The following SORCS3 variants were observed in gnomAD, a reference collection of about 807,000 sequenced individuals.
The protein encoded by SORCS3 is VPS10 domain-containing receptor SorCS3.
A neutral mutation model predicts 146.3 loss-of-function variants in SORCS3; 57 were observed. That is an observed-to-expected ratio of 0.39 (90% CI 0.31 to 0.49). The LOEUF is 0.49. SORCS3 is among the 20% of genes least tolerant of loss of function. The pLI is 0.92. For missense variants in SORCS3, 1,341 were observed against 1,575.5 expected (o/e 0.85, Z 2.52); for synonymous variants, 653 against 618.5 (o/e 1.06, Z -0.83).
intron 1 of SORCS3, among the ~76,000 whole-genome samples, chr10:104,839,860 G>C (rs1458236671): frequency 6.6e-6 from 1 of 152,206 alleles, no homozygotes; most frequent in African/African-American, 2.4e-5. Context: ...GCTGGGCTAA[G>C]ATGGACATCT....
chr10:104,762,655 C>A (rs1450072118), intron 1 of SORCS3, among the ~76,000 whole-genome samples: 1 of 152,096 alleles, frequency 6.6e-6, no homozygotes, highest in Non-Finnish European at 1.5e-5. Flanking sequence ...GGGGCAGTTT[C>A]CCCCATGCTA....
chr10:105,217,567 A>G (rs931503710), intron 19 of SORCS3, among the ~76,000 whole-genome samples: 1 of 152,224 alleles, frequency 6.6e-6, no homozygotes, highest in South Asian at 2.1e-4. Context: ...TTAAAGAAAC[A>G]TGTTTAGATA....
At chr10:105,009,535 A>C (rs1230302952) in intron 4 of SORCS3, among the ~76,000 whole-genome samples, 9 of 102,608 alleles carry the variant, frequency 8.8e-5, no homozygotes, top group African/African-American at 3.2e-4. Flanking sequence ...AACAAAAAAA[A>C]AAAAAAAAAA....
At chr10:104,994,566 A>C (rs772435293) in intron 4 of SORCS3, among the ~76,000 whole-genome samples, 1 of 152,212 alleles carries the variant, frequency 6.6e-6, no homozygotes, top group African/African-American at 2.4e-5. Flanking sequence ...CGTCACCTTC[A>C]AAAGTTTCCT....
rs564199624 is a variant in SORCS3, at chr10:104,722,786, C to G, written c.627+80832C>G. 1.4e-4 allele frequency among the ~76,000 whole-genome samples: 22 copies of G among 152,316 alleles called. No individual in the cohort carries two copies. The East Asian group carries it at 4.2e-3, about 29-fold the overall frequency. Reference sequence around the variant, plus strand: ...TGCATAGAGGTGTTTATAGTATTCTCTGATGGTAGTTTGTATTTCTGTGGG... The same window carrying G: ...TGCATAGAGGTGTTTATAGTATTCTGTGATGGTAGTTTGTATTTCTGTGGG... On this transcript the variant is annotated intron_variant, in intron 1 of 26. Coordinates refer to ENST00000369701, the MANE Select transcript of SORCS3 (RefSeq NM_014978.3).
At chr10:105,097,598 C>G (rs1476896600) in intron 6 of SORCS3, among the ~76,000 whole-genome samples, 2 of 152,174 alleles carry the variant, frequency 1.3e-5, no homozygotes, top group Non-Finnish European at 2.9e-5. Context: ...TCCTGTGATC[C>G]CTCATCTGGT....
intron 14 of SORCS3, among the ~76,000 whole-genome samples, chr10:105,183,568 TTC>T (rs1314413949): frequency 6.6e-6 from 1 of 152,204 alleles, no homozygotes; most frequent in Non-Finnish European, 1.5e-5. Flanking sequence ...TGTTTTTCAA[TTC>T]TCTGTTGTTT....
chr10:104,938,433 A>G (rs1256991074), intron 3 of SORCS3, among the ~76,000 whole-genome samples: 1 of 152,152 alleles, frequency 6.6e-6, no homozygotes, highest in Non-Finnish European at 1.5e-5. Context: ...TGTACACCCA[A>G]TATTTTTGCT....
intron 20 of SORCS3, among the ~76,000 whole-genome samples, chr10:105,232,742 A>G (rs1282021939): frequency 1.3e-5 from 2 of 152,032 alleles, no homozygotes; most frequent in Non-Finnish European, 2.9e-5. Context: ...TTAGTTGAAC[A>G]TACTTTTTAG....
intron 5 of SORCS3, among the ~76,000 whole-genome samples, chr10:105,058,328 T>A (rs1261057862): frequency 2.0e-5 from 3 of 152,212 alleles, no homozygotes; most frequent in Non-Finnish European, 4.4e-5. Context: ...CAAGTGATAC[T>A]GGGAATGAGA....
chr10:104,935,953 A>G (rs552491006), intron 3 of SORCS3, among the ~76,000 whole-genome samples: 1 of 152,178 alleles, frequency 6.6e-6, no homozygotes, highest in Admixed American at 6.5e-5. Flanking sequence ...AGGAGTTGAG[A>G]TTTTGTTTCT....
chr10:104,858,634 T>C (rs1467913844), intron 2 of SORCS3, among the ~76,000 whole-genome samples: 1 of 151,810 alleles, frequency 6.6e-6, no homozygotes, highest in Non-Finnish European at 1.5e-5. Context: ...CTTTTTTTTT[T>C]TTTTTGAGAC....
chr10:104,977,574 T>G (rs2054907668), intron 4 of SORCS3, 81 bp downstream of exon 4: 16 of 1,321,058 alleles, frequency 1.2e-5, no homozygotes, highest in Non-Finnish European at 1.4e-5. Flanking sequence ...AATCCACATT[T>G]TGGAGGGAAT....
chr10:105,032,364 A>G (rs2055274544), intron 4 of SORCS3, among the ~76,000 whole-genome samples: 1 of 152,190 alleles, frequency 6.6e-6, no homozygotes, highest in African/African-American at 2.4e-5. Flanking sequence ...CACCATCAGT[A>G]TGTATTTTGT....
rs546803208 is a variant in SORCS3, at chr10:105,017,364, T to G, written c.955-25691T>G. 2.0e-5 allele frequency among the ~76,000 whole-genome samples: 3 copies of G among 152,290 alleles called. No individual in the cohort carries two copies. In the South Asian group the frequency reaches 6.2e-4, roughly 32 times the overall value. On this transcript the variant is annotated intron_variant, in intron 4 of 26. Transcript: ENST00000369701. ...AGGAAGGTGGTTTCCCACTTCCAAC[T>G]GGTGCTGACAAATAAAGAGTCTTCT...
chr10:105,261,061 T>C (rs1180715053), intron 25 of SORCS3, among the ~76,000 whole-genome samples: 1 of 152,224 alleles, frequency 6.6e-6, no homozygotes, highest in Non-Finnish European at 1.5e-5. Flanking sequence ...AACACTGTGC[T>C]AAGTCGTGTG....
chr10:104,972,654 C>CAG (rs919446585), intron 3 of SORCS3, among the ~76,000 whole-genome samples: 3 of 150,600 alleles, frequency 2.0e-5, no homozygotes, highest in South Asian at 2.1e-4. Context: ...GAGAGAGAGA[C>CAG]AGAGAGAGAG....
At chr10:104,839,561 T>A (rs1192847347) in intron 1 of SORCS3, among the ~76,000 whole-genome samples, 1 of 152,188 alleles carries the variant, frequency 6.6e-6, no homozygotes, top group Non-Finnish European at 1.5e-5. Context: ...AGAGTATGCA[T>A]GGGCCAGATT....
chr10:105,049,384 C>G (rs887306185), intron 5 of SORCS3, among the ~76,000 whole-genome samples: 1 of 151,998 alleles, frequency 6.6e-6, no homozygotes, highest in Non-Finnish European at 1.5e-5. Context: ...TCCAGAACTC[C>G]CCTTACACCC....
Sources: gnomAD v4.1 joint callset for allele counts (sites outside exome capture counted in the v4.1 genomes callset) on GRCh38, gnomAD v4.1.1 for gene constraint, MANE v1.5 for transcripts, NCBI Gene and HGNC (gene_info 2026-07-23, HGNC 2026-07-21) for gene names.